The following DGKI variants were observed in gnomAD, a reference collection of about 807,000 sequenced individuals.
The protein encoded by DGKI is DAG kinase iota.
Under a neutral mutation model 147.5 loss-of-function variants are expected in DGKI, and 55 were observed. The observed-to-expected ratio is 0.37, with a 90% CI of 0.30 to 0.47. DGKI has a LOEUF of 0.47. DGKI is among the 20% of genes least tolerant of loss of function. The probability of loss-of-function intolerance (pLI) is 1.00; values close to 1 mark genes in which losing one functional copy is unlikely to be tolerated. For missense variants in DGKI, 1,007 were observed against 1,323.8 expected (o/e 0.76, Z 3.71); for synonymous variants, 469 against 477.1 (o/e 0.98, Z 0.22).
At chr7:137,705,927 G>C (rs1429564568) in intron 1 of DGKI, among the ~76,000 whole-genome samples, 1 of 151,744 alleles carries the variant, frequency 6.6e-6, no homozygotes, top group African/African-American at 2.4e-5. Flanking sequence ...ACACTTAAAA[G>C]CATCTTTATT....
Position 137,469,480 on chromosome 7 carries a change from C to T in DGKI, c.2443+70G>A. The T allele has an allele frequency of 2.7e-6, 4 of 1,491,642 alleles. No homozygotes were observed. In the South Asian group the frequency reaches 3.4e-5, roughly 13 times the overall value. 92.4% of individuals were successfully genotyped at this position (1,491,642 alleles called of 1,614,324 possible). ...AATCTTTTGGAAAACTAGAGCCCACCCTATCAATTGATGCCTTGCTCTTCA... is the reference window on the plus strand; with the variant it reads ...AATCTTTTGGAAAACTAGAGCCCACTCTATCAATTGATGCCTTGCTCTTCA... On this transcript the variant is annotated intron_variant, in intron 24 of 32. Coordinates refer to ENST00000614521, the MANE Select transcript of DGKI (RefSeq NM_001321708.2).
chr7:137,500,478 C>G (rs974798850), intron 21 of DGKI, among the ~76,000 whole-genome samples: 15 of 152,238 alleles, frequency 9.9e-5, no homozygotes, highest in African/African-American at 3.4e-4. Context: ...TCAACCTCAG[C>G]AAATTCAAAA....
At chr7:137,669,828 A>C (rs1449559434) in intron 3 of DGKI, among the ~76,000 whole-genome samples, 1 of 152,056 alleles carries the variant, frequency 6.6e-6, no homozygotes, top group Non-Finnish European at 1.5e-5. Context: ...GAACAACCCA[A>C]CCCAATGTGA....
intron 1 of DGKI, among the ~76,000 whole-genome samples, chr7:137,828,429 C>CT (rs34587515): frequency 6.6e-6 from 1 of 151,946 alleles, no homozygotes; most frequent in South Asian, 2.1e-4. Context: ...CCCAGTGATG[C>CT]TTTTTTTTAA....
At position 137,472,095 on chromosome 7, in the gene DGKI, A is replaced by G. The variant is rs547407224; in HGVS notation, c.2374-2476T>C. Reference sequence around the variant, plus strand: ...ATATTATGTTATATATAATATATACACATATATGTGTATATATACATATAA... The same window carrying G: ...ATATTATGTTATATATAATATATACGCATATATGTGTATATATACATATAA... On this transcript the variant is annotated intron_variant, in intron 23 of 32. Coordinates refer to ENST00000614521, the MANE Select transcript of DGKI (RefSeq NM_001321708.2). Among the ~76,000 whole-genome samples, 36 of 117,830 alleles carry G rather than the reference A, an allele frequency of 3.1e-4. No individual in the cohort carries two copies. The South Asian group carries it at 8.3e-3, about 27-fold the overall frequency. 77.3% of individuals were successfully genotyped at this position (117,830 alleles called of 152,430 possible). A position where few individuals can be genotyped will look rare whatever the true frequency, so the allele number is the denominator to read the frequency against.
At chr7:137,620,925 A>G (rs937617872) in intron 7 of DGKI, among the ~76,000 whole-genome samples, 4 of 152,248 alleles carry the variant, frequency 2.6e-5, no homozygotes, top group Non-Finnish European at 4.4e-5. Flanking sequence ...TACTTCACGT[A>G]ACTATATTAT....
intron 28 of DGKI, among the ~76,000 whole-genome samples, chr7:137,443,166 A>G (rs949023804): frequency 6.6e-6 from 1 of 152,190 alleles, no homozygotes; most frequent in Admixed American, 6.5e-5. Context: ...GAGGAAGACA[A>G]AGATTCCATC....
intron 3 of DGKI, among the ~76,000 whole-genome samples, chr7:137,664,787 G>T (rs1292143917): frequency 6.6e-6 from 1 of 152,168 alleles, no homozygotes; most frequent in African/African-American, 2.4e-5. Flanking sequence ...TCCTGTGAGA[G>T]ACAGACAACA....
intron 23 of DGKI, among the ~76,000 whole-genome samples, chr7:137,481,713 C>T (rs534457634): frequency 4.1e-4 from 62 of 152,116 alleles, no homozygotes; most frequent in African/African-American, 1.3e-3. Flanking sequence ...GCTTAAGTGG[C>T]GAGAAACTGC....
intron 3 of DGKI, among the ~76,000 whole-genome samples, chr7:137,664,378 A>C (rs1228362107): frequency 9.4e-6 from 1 of 106,190 alleles, no homozygotes; most frequent in East Asian, 2.1e-4. Context: ...ACTCCATCTC[A>C]AAAAAAAAAA....
intron 21 of DGKI, among the ~76,000 whole-genome samples, chr7:137,505,788 A>G (rs1246548773): frequency 6.6e-6 from 1 of 152,130 alleles, no homozygotes; most frequent in Non-Finnish European, 1.5e-5. Context: ...GCCAATTAAA[A>G]AACTGGGCAA....
intron 1 of DGKI, among the ~76,000 whole-genome samples, chr7:137,822,371 C>A (rs1360241213): frequency 6.6e-6 from 1 of 152,122 alleles, no homozygotes; most frequent in African/African-American, 2.4e-5. Context: ...CACTCCCCTG[C>A]ACTCCAGCCT....
chr7:137,608,680 A>G (rs1820263892), intron 10 of DGKI, among the ~76,000 whole-genome samples: 1 of 152,230 alleles, frequency 6.6e-6, no homozygotes, highest in Non-Finnish European at 1.5e-5. Flanking sequence ...GAGAAATTCT[A>G]GAATATCCTT....
rs1811176865 is a variant in DGKI, at chr7:137,386,375, T to A, written c.*4845A>T. 6.6e-6 allele frequency: 1 copy of A among 152,094 alleles called. No individual in the cohort carries two copies. The highest frequency in any genetic ancestry group is 2.1e-4 in the South Asian group (1 of 4,822). 9.4% of individuals were successfully genotyped at this position (152,094 alleles called of 1,614,324 possible). ...GAGGCATGTGGCTTACATTGTTGAA[T>A]GAGGAAGCAGCAGCCGTGATTGTGT... is the stretch of plus-strand genomic sequence containing the variant. On this transcript the variant is annotated 3_prime_UTR_variant, in exon 33 of 33. Coordinates refer to ENST00000614521, the MANE Select transcript of DGKI (RefSeq NM_001321708.2).
chr7:137,493,087 C>G (rs1427203671), intron 21 of DGKI, among the ~76,000 whole-genome samples: 1 of 152,182 alleles, frequency 6.6e-6, no homozygotes, highest in African/African-American at 2.4e-5. Flanking sequence ...TGGGACGTAT[C>G]TACGACCCAC....
At chr7:137,576,107 C>T (rs1386084991) in intron 17 of DGKI, among the ~76,000 whole-genome samples, 2 of 148,576 alleles carry the variant, frequency 1.3e-5, no homozygotes, top group South Asian at 2.1e-4. Flanking sequence ...GGTGCGGTCT[C>T]GGCTCACTGC....
chr7:137,577,706 C>T (rs1251697653), intron 16 of DGKI, among the ~76,000 whole-genome samples: 1 of 152,150 alleles, frequency 6.6e-6, no homozygotes, highest in African/African-American at 2.4e-5. Context: ...TAAACTCCTC[C>T]TATCGATTGG....
intron 21 of DGKI, among the ~76,000 whole-genome samples, chr7:137,493,466 C>T (rs1563052209): frequency 6.6e-6 from 1 of 152,168 alleles, no homozygotes; most frequent in South Asian, 2.1e-4. Context: ...ATCAAGGCAA[C>T]AGGTTCCTAA....
chr7:137,412,236 T>G (rs1563002644), intron 28 of DGKI, 29 bp from the exon 29 acceptor site: 1 of 1,600,838 alleles, frequency 6.2e-7, no homozygotes. Flanking sequence ...AGATGTCCCA[T>G]TAGTAGAAGA....
Sources: gnomAD v4.1 joint callset for allele counts (sites outside exome capture counted in the v4.1 genomes callset) on GRCh38, gnomAD v4.1.1 for gene constraint, MANE v1.5 for transcripts, NCBI Gene and HGNC (gene_info 2026-07-23, HGNC 2026-07-21) for gene names.